NRIP1: variants seen among roughly 807,000 people sequenced by gnomAD.
NRIP1 encodes nuclear receptor-interacting protein 1.
A neutral mutation model predicts 75.0 loss-of-function variants in NRIP1; 28 were observed. That is an observed-to-expected ratio of 0.37 (90% CI 0.28 to 0.51). The LOEUF (loss-of-function observed/expected upper bound fraction) is 0.51, where lower values mean the gene tolerates loss of function less well. Among genes scored for constraint, NRIP1 ranks in the 20% least tolerant of loss-of-function variants. NRIP1 has a pLI of 0.92. For synonymous variants in NRIP1, 526 were observed against 487.6 expected (o/e 1.08, Z -1.04); for missense variants, 1,435 against 1,343.7 (o/e 1.07, Z -1.06).
chr21:15,050,965 C>T (rs770535769), intron 1 of NRIP1: 1 of 451,364 alleles, frequency 2.2e-6, no homozygotes, highest in South Asian at 1.6e-5. Flanking sequence ...TATTACACAC[C>T]TATAGCTTAT....
intron 3 of NRIP1, among the ~76,000 whole-genome samples, chr21:15,000,598 C>T (rs527438749): frequency 4.1e-4 from 62 of 152,236 alleles, no homozygotes; most frequent in South Asian, 6.2e-4. Context: ...GTGAAAGATT[C>T]TAAAATCTTC....
intron 3 of NRIP1, among the ~76,000 whole-genome samples, chr21:14,974,575 G>A (rs1204994698): frequency 2.0e-5 from 3 of 151,876 alleles, no homozygotes; most frequent in Non-Finnish European, 2.9e-5. Flanking sequence ...GTCCACTTAC[G>A]AACAGTGTCA....
intron 1 of NRIP1, among the ~76,000 whole-genome samples, 174 bp downstream of exon 1, chr21:15,064,571 A>C (rs1331654035): frequency 2.0e-5 from 3 of 149,894 alleles, no homozygotes; most frequent in Admixed American, 2.0e-4. Flanking sequence ...GAACCCGGAG[A>C]CTCGAACCAG....
At chr21:15,016,351 T>C (rs1199167867) in intron 2 of NRIP1, among the ~76,000 whole-genome samples, 2 of 152,154 alleles carry the variant, frequency 1.3e-5, no homozygotes, top group Non-Finnish European at 2.9e-5. Context: ...ATATGTGTAA[T>C]TACATGAGTA....
intron 1 of NRIP1, among the ~76,000 whole-genome samples, chr21:15,061,734 T>C (rs1005437433): frequency 1.3e-5 from 2 of 152,180 alleles, no homozygotes; most frequent in African/African-American, 2.4e-5. Flanking sequence ...TTTGAGTTTC[T>C]TACATTCTTT....
intron 3 of NRIP1, among the ~76,000 whole-genome samples, chr21:14,995,458 T>C (rs947917020): frequency 3.9e-5 from 6 of 152,212 alleles, no homozygotes; most frequent in South Asian, 2.1e-4. Context: ...AAATCATCAG[T>C]TACTTGAACC....
At chr21:14,970,033 T>G (rs2086861316) in intron 3 of NRIP1, among the ~76,000 whole-genome samples, 1 of 152,158 alleles carries the variant, frequency 6.6e-6, no homozygotes, top group Non-Finnish European at 1.5e-5. Flanking sequence ...ATTCTCCCAT[T>G]TTCATTTACT....
At chr21:15,065,337 C>G (rs1484002826), upstream of NRIP1, among the ~76,000 whole-genome samples, 2 of 151,778 alleles carry the variant, frequency 1.3e-5, no homozygotes, top group Non-Finnish European at 2.9e-5. Flanking sequence ...GCGCCCGGGC[C>G]GTCCCCCGGG....
chr21:15,004,040 T>C (rs1243863547), intron 3 of NRIP1, among the ~76,000 whole-genome samples: 6 of 152,260 alleles, frequency 3.9e-5, no homozygotes, highest in Admixed American at 2.0e-4. Context: ...AAAATACCCA[T>C]ACCTAAAAAT....
Position 14,965,052 on chromosome 21 carries a change from A to G in NRIP1, c.3141T>C (p.Thr1047=), listed in dbSNP as rs1412097604. The change falls in exon 4 of 4, where the codon ACT becomes ACC. Residue 1047 remains threonine, a synonymous_variant. Coordinates refer to ENST00000318948, the MANE Select transcript of NRIP1 (RefSeq NM_003489.4). ...TTTCATACTCATTCTTCTCCGCATC[A>G]GTGATAACCCACTTAATGGGTCCTT... is the stretch of plus-strand genomic sequence containing the variant. The part of the protein sequence containing the change: ...SEKGPIKWVI[T]DAEKNEYEKD... 1 of 1,613,908 alleles carries G rather than the reference A, an allele frequency of 6.2e-7. No individual in the cohort carries two copies. The highest frequency in any genetic ancestry group is 1.1e-5 in the South Asian group (1 of 91,082).
chr21:14,967,968 C>T lies in NRIP1; in HGVS notation c.225G>A (p.Gly75=), dbSNP rs2229741. The part of the protein sequence containing the change: ...GPVLNTHTYQ[G]SGMLHLKKAR... Reference sequence around the variant, plus strand: ...CTTTTTTGAGGTGCAGCATGCCAGACCCCTGATATGTATGTGTATTGAGAA... The same window carrying T: ...CTTTTTTGAGGTGCAGCATGCCAGATCCCTGATATGTATGTGTATTGAGAA... The change falls in exon 4 of 4, where the codon GGG becomes GGA. Residue 75 remains glycine (G), a synonymous_variant. Coordinates refer to ENST00000318948, the MANE Select transcript of NRIP1 (RefSeq NM_003489.4). 0.46 allele frequency: 738,274 copies of T among 1,613,378 alleles called. 176,315 individuals are homozygous for T. Among genetic ancestry groups the T allele is most frequent in the East Asian group, 0.8 (35,817 of 44,838 alleles).
chr21:14,984,809 C>T (rs1235584734), intron 3 of NRIP1, among the ~76,000 whole-genome samples: 1 of 152,216 alleles, frequency 6.6e-6, no homozygotes, highest in African/African-American at 2.4e-5. Flanking sequence ...CGGCAGCCAT[C>T]AACATGGAGG....
chr21:15,034,787 T>A (rs2088795164), intron 2 of NRIP1, among the ~76,000 whole-genome samples: 1 of 151,566 alleles, frequency 6.6e-6, no homozygotes, highest in Non-Finnish European at 1.5e-5. Context: ...TAAAAGTAAA[T>A]GAACATAAAA....
chr21:15,061,310 C>A (rs1214724036), intron 1 of NRIP1, among the ~76,000 whole-genome samples: 2 of 152,068 alleles, frequency 1.3e-5, no homozygotes, highest in Admixed American at 6.5e-5. Context: ...AGAACAAAAC[C>A]CACTCTGATT....
At position 14,967,657 on chromosome 21, in the gene NRIP1, C is replaced by T. The variant is rs146931848; in HGVS notation, c.536G>A (p.Gly179Asp). The T allele has an allele frequency of 3.2e-5, 51 of 1,613,954 alleles. No individual in the cohort carries two copies. The African/African-American group carries it at 6.4e-4, about 20-fold the overall frequency. The change falls in exon 4 of 4, where the codon GGT (glycine) becomes GAT (aspartate). Residue 179 changes from glycine (G) to aspartate (D), a missense_variant. By Grantham distance (94) the Gly-to-Asp change is moderately conservative. Transcript: ENST00000318948. ...LKVEKDLRCYGVASSHLKTLL... is the reference protein window; with the variant it reads ...LKVEKDLRCYDVASSHLKTLL... The stretch of plus-strand genomic sequence containing the variant: ...AGTTTTTAAGTGACTTGATGCAACA[C>T]CATAGCACCTTAAATCCTTCTCCAC...
At chr21:15,028,629 TAC>T (rs1459679599) in intron 2 of NRIP1, among the ~76,000 whole-genome samples, 1 of 152,236 alleles carries the variant, frequency 6.6e-6, no homozygotes, top group African/African-American at 2.4e-5. Context: ...TAAATAAATG[TAC>T]AGTGTACAAA....
intron 3 of NRIP1, 123 bp downstream of exon 3, chr21:15,014,221 C>A (rs1351459685): frequency 5.3e-6 from 2 of 374,796 alleles, no homozygotes. Context: ...GTAACTTGCA[C>A]AGATGAAGTA....
At chr21:14,971,978 T>TA (rs1359956369) in intron 3 of NRIP1, among the ~76,000 whole-genome samples, 1 of 152,216 alleles carries the variant, frequency 6.6e-6, no homozygotes, top group African/African-American at 2.4e-5. Context: ...CATGAAGTAG[T>TA]GGAGAAAAAG....
intron 3 of NRIP1, among the ~76,000 whole-genome samples, chr21:15,012,452 T>TA (rs1451407423): frequency 2.8e-5 from 3 of 107,742 alleles, no homozygotes; most frequent in African/African-American, 1.4e-4. Context: ...AATGTCTTTT[T>TA]TTTTTTTTTT....
Sources: allele counts gnomAD v4.1 joint callset (sites outside exome capture counted in the v4.1 genomes callset), GRCh38; gene constraint gnomAD v4.1.1; transcripts MANE v1.5; gene names NCBI Gene and HGNC (gene_info 2026-07-23, HGNC 2026-07-21).